The following FER1L6 variants were observed in gnomAD, a reference collection of about 807,000 sequenced individuals.
FER1L6 encodes fer-1-like protein 6.
A neutral mutation model predicts 219.2 loss-of-function variants in FER1L6; 177 were observed. That is an observed-to-expected ratio of 0.81 (90% CI 0.71 to 0.91). FER1L6 has a LOEUF of 0.91. Among genes scored for constraint, FER1L6 ranks in the 40% least tolerant of loss-of-function variants. The probability of loss-of-function intolerance (pLI) is 0.00; values close to 1 mark genes in which losing one functional copy is unlikely to be tolerated. For missense variants in FER1L6, 2,153 were observed against 2,259.9 expected, an observed-to-expected ratio of 0.95 and a Z score of 0.96; for synonymous variants, 768 against 824.3, an observed-to-expected ratio of 0.93 and a Z score of 1.17.
intron 27 of FER1L6, among the ~76,000 whole-genome samples, chr8:124,066,902 C>T (rs2130853405): frequency 6.6e-6 from 1 of 152,190 alleles, no homozygotes; most frequent in East Asian, 1.9e-4. Context: ...ATGACTGAGG[C>T]CTCAGGAGAT....
chr8:124,051,309 C>G (rs1469792833), intron 22 of FER1L6, among the ~76,000 whole-genome samples: 2 of 152,158 alleles, frequency 1.3e-5, no homozygotes. Flanking sequence ...CAACCTAAGA[C>G]AGAGGTGTTG....
At chr8:123,997,865 A>G (rs928814297) in intron 12 of FER1L6, among the ~76,000 whole-genome samples, 1 of 152,062 alleles carries the variant, frequency 6.6e-6, no homozygotes, top group Non-Finnish European at 1.5e-5. Flanking sequence ...CTTTCTAATT[A>G]TTCAATCTCT....
intron 39 of FER1L6, 82 bp downstream of exon 39, chr8:124,103,391 C>T: frequency 7.3e-7 from 1 of 1,365,546 alleles, no homozygotes; most frequent in Non-Finnish European, 1.0e-6. Flanking sequence ...TTGTGAACTT[C>T]AAGTAAAATG....
At chr8:123,908,834 G>A (rs896679681) in intron 1 of FER1L6, among the ~76,000 whole-genome samples, 1 of 152,162 alleles carries the variant, frequency 6.6e-6, no homozygotes, top group Non-Finnish European at 1.5e-5. Context: ...TTGTTGGAGA[G>A]GTGACTATGA....
At chr8:124,106,328 CAAAAAAAAAAAAAAAAAA>C (rs71289636) in intron 39 of FER1L6, among the ~76,000 whole-genome samples, 25 of 63,854 alleles carry the variant, frequency 3.9e-4, no homozygotes, top group Admixed American at 5.8e-4. Flanking sequence ...GACTCTGTCT[CAAAAAAAAAAAAAAAAAA>C]AAAAAAAAAA....
intron 39 of FER1L6, among the ~76,000 whole-genome samples, chr8:124,106,781 G>A (rs1398023984): frequency 1.3e-5 from 2 of 151,998 alleles, no homozygotes; most frequent in Non-Finnish European, 2.9e-5. Context: ...TTCTTCTACT[G>A]TCAGCAATTT....
At chr8:124,055,610 TC>T (rs1232293687) in intron 22 of FER1L6, among the ~76,000 whole-genome samples, 1 of 152,130 alleles carries the variant, frequency 6.6e-6, no homozygotes, top group African/African-American at 2.4e-5. Flanking sequence ...ACCCTCTCTC[TC>T]CTATTACAGT....
intron 35 of FER1L6, among the ~76,000 whole-genome samples, chr8:124,095,706 C>A (rs111468519): frequency 0.035 from 5,337 of 152,166 alleles, 291 homozygotes; most frequent in African/African-American, 0.12. Context: ...GGAGTGAACG[C>A]GGGCACTGTT....
chr8:124,080,623 T>G (rs192100950), intron 32 of FER1L6, among the ~76,000 whole-genome samples: 132 of 152,172 alleles, frequency 8.7e-4, no homozygotes, highest in African/African-American at 3.0e-3. Flanking sequence ...CGGCCCTGTT[T>G]TTGGTAACTT....
intron 16 of FER1L6, among the ~76,000 whole-genome samples, chr8:124,020,660 G>A (rs1259002877): frequency 6.6e-6 from 1 of 152,168 alleles, no homozygotes; most frequent in Non-Finnish European, 1.5e-5. Context: ...GGTTAAGCAT[G>A]TAGACTCTGG....
chr8:123,876,875 G>C (rs974099932), intron 1 of FER1L6, among the ~76,000 whole-genome samples: 2 of 152,222 alleles, frequency 1.3e-5, no homozygotes, highest in African/African-American at 4.8e-5. Context: ...CATTTGTGTG[G>C]GTGAAAGCTG....
intron 1 of FER1L6, among the ~76,000 whole-genome samples, chr8:123,911,609 G>A (rs756100930): frequency 6.6e-6 from 1 of 152,160 alleles, no homozygotes; most frequent in Non-Finnish European, 1.5e-5. Flanking sequence ...TGTTCACTTA[G>A]TGAGCTCATC....
intron 1 of FER1L6, among the ~76,000 whole-genome samples, chr8:123,939,647 C>T (rs567910277): frequency 6.6e-6 from 1 of 152,136 alleles, no homozygotes; most frequent in African/African-American, 2.4e-5. Flanking sequence ...TCATGTCTTG[C>T]AGGAAGGGAC....
intron 12 of FER1L6, among the ~76,000 whole-genome samples, chr8:123,998,105 T>A (rs1817218373): frequency 6.6e-6 from 1 of 152,070 alleles, no homozygotes; most frequent in African/African-American, 2.4e-5. Context: ...AGTTAGGTAT[T>A]TATTGTAGTC....
In FER1L6 at chr8:124,066,553, A is replaced by G. The variant is rs1437938699; in HGVS notation, c.3678+3A>G. ...CCTCCCTGAAGAAAGCCCAGAAGGT[A>G]GAGTCTCCCCTACCTGTGGCAGTTA... is the stretch of plus-strand genomic sequence containing the variant. On this transcript the variant is annotated splice_donor_region_variant and intron_variant, in intron 27 of 40. Transcript: ENST00000522917. 6.2e-7 allele frequency: 1 copy of G among 1,613,362 alleles called. No homozygotes were observed. The highest frequency in any genetic ancestry group is 8.5e-7 in the Non-Finnish European group (1 of 1,179,578).
chr8:124,030,299 T>C (rs762611481), intron 18 of FER1L6, among the ~76,000 whole-genome samples: 6 of 152,220 alleles, frequency 3.9e-5, no homozygotes, highest in Non-Finnish European at 8.8e-5. Context: ...TAAGTAATGA[T>C]TGATCAGTAA....
chr8:123,941,411 G>T (rs1032299807), intron 1 of FER1L6, among the ~76,000 whole-genome samples: 1 of 152,168 alleles, frequency 6.6e-6, no homozygotes, highest in Non-Finnish European at 1.5e-5. Flanking sequence ...AGAGGAGCAC[G>T]TGCAAAGATC....
intron 1 of FER1L6, among the ~76,000 whole-genome samples, chr8:123,898,799 A>ATG (rs200154127): frequency 2.4e-5 from 2 of 83,962 alleles, no homozygotes; most frequent in Non-Finnish European, 6.1e-5. Context: ...ATATATACAT[A>ATG]TATACACATA....
intron 31 of FER1L6, among the ~76,000 whole-genome samples, chr8:124,074,079 GCTGCAGAGTTT>G (rs796256839): frequency 3.9e-5 from 6 of 152,216 alleles, no homozygotes; most frequent in African/African-American, 1.4e-4. Context: ...AGCTTTCATT[GCTGCAGAGTTT>G]CTCCATCTTT....
Sources: allele counts gnomAD v4.1 joint callset (sites outside exome capture counted in the v4.1 genomes callset), GRCh38; gene constraint gnomAD v4.1.1; transcripts MANE v1.5; gene names NCBI Gene and HGNC (gene_info 2026-07-23, HGNC 2026-07-21).